BUB1: variants seen among roughly 807,000 people sequenced by gnomAD.
The protein encoded by BUB1 is BUB1 mitotic checkpoint serine/threonine kinase.
A neutral mutation model predicts 135.2 loss-of-function variants in BUB1; 84 were observed. The observed-to-expected ratio is 0.62, with a 90% CI of 0.52 to 0.74. The LOEUF (loss-of-function observed/expected upper bound fraction) is 0.74. Ranked by LOEUF, BUB1 falls within the 30% of genes least tolerant of loss-of-function variation. The pLI is 0.00. For missense variants in BUB1, 1,162 were observed against 1,288.3 expected, an observed-to-expected ratio of 0.90 and a Z score of 1.50; for synonymous variants, 403 against 434.4, an observed-to-expected ratio of 0.93 and a Z score of 0.90.
intron 24 of BUB1, 150 bp downstream of exon 24, chr2:110,639,592 C>T (rs1020730581): frequency 9.4e-6 from 6 of 640,106 alleles, no homozygotes; most frequent in East Asian, 2.7e-5. Context: ...CTCCCTGTGC[C>T]CAGTGCCCAG....
At chr2:110,652,152 T>G (rs1689805305) in intron 17 of BUB1, among the ~76,000 whole-genome samples, 1 of 152,032 alleles carries the variant, frequency 6.6e-6, no homozygotes. Flanking sequence ...ATGCTAAAAT[T>G]TATTTGTAAG....
chr2:110,657,425 G>A, intron 14 of BUB1, 121 bp downstream of exon 14: 2 of 690,602 alleles, frequency 2.9e-6, no homozygotes, highest in Non-Finnish European at 4.6e-6. Flanking sequence ...CCCTGGTTGT[G>A]TGGTCAAAAG....
intron 19 of BUB1, 67 bp from the exon 20 acceptor site, chr2:110,642,301 A>T: frequency 1.8e-6 from 2 of 1,124,052 alleles, no homozygotes; most frequent in South Asian, 3.0e-5. Flanking sequence ...CAATTTACAA[A>T]GAAGTTACAA....
intron 23 of BUB1, among the ~76,000 whole-genome samples, chr2:110,640,462 G>A (rs1027940358): frequency 6.6e-5 from 10 of 151,908 alleles, no homozygotes; most frequent in Non-Finnish European, 1.5e-4. Flanking sequence ...ATCCCAATTA[G>A]CATTCTCCTC....
chr2:110,656,430 C>T (rs1388863394), intron 15 of BUB1, among the ~76,000 whole-genome samples: 1 of 152,040 alleles, frequency 6.6e-6, no homozygotes, highest in Non-Finnish European at 1.5e-5. Flanking sequence ...TTGGCCTTTC[C>T]GAGTCTTTTT....
At chr2:110,672,970 G>A (rs1559175963) in intron 3 of BUB1, 113 bp from the exon 4 acceptor site, 1 of 1,066,398 alleles carries the variant, frequency 9.4e-7, no homozygotes, top group Non-Finnish European at 1.3e-6. Context: ...ATGGGAGCTG[G>A]TCATCAGCAA....
At chr2:110,649,434 T>C in intron 18 of BUB1, 57 bp from the exon 19 acceptor site, 1 of 1,449,214 alleles carries the variant, frequency 6.9e-7, no homozygotes. Context: ...ACTCAAGAAC[T>C]TTACCAAATA....
Position 110,658,663 on chromosome 2 carries a change from C to T in BUB1, c.1356G>A (p.Thr452=), listed in dbSNP as rs1219203357. The change falls in exon 12 of 25, where the codon ACG becomes ACA. Residue 452 remains threonine (T), a synonymous_variant. Coordinates refer to ENST00000302759, the MANE Select transcript of BUB1 (RefSeq NM_004336.5). The part of the protein sequence containing the change: ...PNTSLGMVQA[T]PSKVQPSPTV... Reference sequence around the variant, plus strand: ...TGGGTGATGGCTGCACTTTGGATGGCGTTGCCTGAACCATTCCCAGTGATG... The same window carrying T: ...TGGGTGATGGCTGCACTTTGGATGGTGTTGCCTGAACCATTCCCAGTGATG... The T allele has an allele frequency of 4.3e-6, 7 of 1,614,022 alleles. No homozygotes were observed. In the East Asian group the frequency reaches 6.7e-5, roughly 15 times the overall value.
chr2:110,678,045 A>G lies in BUB1; in HGVS notation c.-50T>C. The stretch of plus-strand genomic sequence containing the variant: ...GGCCAAACCTGAACCGCAAACTAGA[A>G]GCCGCCGCCGATTCGAATACCCCGC... On this transcript the variant is annotated 5_prime_UTR_variant, in exon 1 of 25. Transcript: ENST00000302759. 1 of 1,567,824 alleles carries G rather than the reference A, an allele frequency of 6.4e-7. No homozygotes were observed. Among genetic ancestry groups the G allele is most frequent in the Non-Finnish European group, 8.6e-7 (1 of 1,159,514 alleles).
At chr2:110,641,877 C>T in intron 20 of BUB1, 74 bp from the exon 21 acceptor site, 1 of 1,473,388 alleles carries the variant, frequency 6.8e-7, no homozygotes, top group African/African-American at 1.4e-5. Flanking sequence ...CAACCTCTAT[C>T]CCAATAAAAG....
At chr2:110,646,902 A>G (rs1689659645) in intron 19 of BUB1, among the ~76,000 whole-genome samples, 1 of 152,238 alleles carries the variant, frequency 6.6e-6, no homozygotes, top group Non-Finnish European at 1.5e-5. Flanking sequence ...GTAGAAATCA[A>G]TAGTGGAATG....
intron 11 of BUB1, 150 bp from the exon 12 acceptor site, chr2:110,658,892 T>A: frequency 1.0e-6 from 1 of 1,002,708 alleles, no homozygotes; most frequent in Non-Finnish European, 1.4e-6. Context: ...CTTTCATATA[T>A]TTCATTTTTA....
At position 110,678,030 on chromosome 2, in the gene BUB1, G is replaced by C. The variant is rs373701837; in HGVS notation, c.-35C>G. On this transcript the variant is annotated 5_prime_UTR_variant, in exon 1 of 25. Transcript: ENST00000302759. Reference sequence around the variant, plus strand: ...ACGCTGGCCGGCAGCGGCCAAACCTGAACCGCAAACTAGAAGCCGCCGCCG... The same window carrying C: ...ACGCTGGCCGGCAGCGGCCAAACCTCAACCGCAAACTAGAAGCCGCCGCCG... The C allele has an allele frequency of 1.1e-5, 18 of 1,591,954 alleles. No homozygotes were observed. Among genetic ancestry groups the C allele is most frequent in the Middle Eastern group, 1.8e-4 (1 of 5,588 alleles).
chr2:110,658,792 AAC>A, intron 11 of BUB1, 50 bp from the exon 12 acceptor site: 1 of 1,601,444 alleles, frequency 6.2e-7, no homozygotes, highest in Non-Finnish European at 8.5e-7. Flanking sequence ...AAATCAGAAT[AAC>A]TTAAAAGACA....
rs767532615 is a variant in BUB1 at position 110,641,216 on chromosome 2, CACAA to C, written c.2784-15_2784-12del. The C allele has an allele frequency of 5.8e-5, 93 of 1,591,270 alleles. No homozygotes were observed. The highest frequency in any genetic ancestry group is 3.4e-4 in the Middle Eastern group (2 of 5,926). ...TCCTGTTCCAAAAATCTATATTAAACACAAACAAAGCCAGGCTGCATGAGCACAA... is the reference window on the plus strand; with the variant it reads ...TCCTGTTCCAAAAATCTATATTAAACACAAAGCCAGGCTGCATGAGCACAA... On this transcript the variant is annotated splice_polypyrimidine_tract_variant and intron_variant, in intron 22 of 24. Transcript: ENST00000302759.
chr2:110,666,931 G>A (rs755325255), intron 8 of BUB1, among the ~76,000 whole-genome samples: 1 of 152,166 alleles, frequency 6.6e-6, no homozygotes, highest in Non-Finnish European at 1.5e-5. Context: ...TCTGGTCACA[G>A]CATGTGAAAG....
At position 110,674,312 on chromosome 2, in the gene BUB1, C is replaced by A; in HGVS notation, c.80G>T (p.Trp27Leu). Residue 27 changes from tryptophan (W) to leucine (L), a missense_variant, in exon 2 of 25, where the codon TGG becomes TTG. Transcript: ENST00000302759. ...AAAATAACTAAATGCTGACCTTTCCCATTCACCAAGAGGGTCATTGCCCTT... is the reference window on the plus strand; with the variant it reads ...AAAATAACTAAATGCTGACCTTTCCAATTCACCAAGAGGGTCATTGCCCTT... The part of the protein sequence containing the change: ...SYKGNDPLGE[W>L]ERYIQWVEEN... 5 of 1,614,038 alleles carry A rather than the reference C, an allele frequency of 3.1e-6. No individual in the cohort carries two copies. In the Admixed American group the frequency reaches 6.7e-5, roughly 22 times the overall value.
intron 17 of BUB1, among the ~76,000 whole-genome samples, chr2:110,651,336 T>C (rs1689780967): frequency 6.6e-6 from 1 of 152,118 alleles, no homozygotes; most frequent in Non-Finnish European, 1.5e-5. Context: ...TGTGTAGGCC[T>C]CAGCTAATGT....
chr2:110,661,933 T>C, intron 9 of BUB1, 92 bp from the exon 10 acceptor site: 4 of 1,436,814 alleles, frequency 2.8e-6, no homozygotes, highest in Non-Finnish European at 2.8e-6. Flanking sequence ...GCATGGCATC[T>C]GTCTTCAATG....
Sources: gnomAD v4.1 joint callset for allele counts (sites outside exome capture counted in the v4.1 genomes callset) on GRCh38, gnomAD v4.1.1 for gene constraint, MANE v1.5 for transcripts, NCBI Gene and HGNC (gene_info 2026-07-23, HGNC 2026-07-21) for gene names.